The following SRPX variants were observed in gnomAD, a reference collection of about 807,000 sequenced individuals.
SRPX encodes the protein sushi repeat containing protein X-linked.
Under a neutral mutation model 38.1 loss-of-function variants are expected in SRPX, and 24 were observed. The ratio of observed to expected loss-of-function variants is 0.63; its 90% CI spans 0.46 to 0.89. The LOEUF (loss-of-function observed/expected upper bound fraction) is 0.89, where lower values mean the gene tolerates loss of function less well. Ranked by LOEUF, SRPX falls within the 40% of genes least tolerant of loss-of-function variation. SRPX has a pLI of 0.00. For missense variants in SRPX, 416 were observed against 377.8 expected (o/e 1.10, Z -0.84); for synonymous variants, 184 against 153.8 (o/e 1.20, Z -1.45).
chrX:38,219,891 G>T (rs1422142428), intron 1 of SRPX, among the ~76,000 whole-genome samples: 1 of 112,586 alleles, frequency 8.9e-6, no homozygotes, highest in Non-Finnish European at 1.9e-5. Context: ...GAAGCTCTTC[G>T]CTAACCTAAG....
chrX:38,220,782 G>A lies in SRPX; in HGVS notation c.11C>T (p.Pro4Leu). The change falls in exon 1 of 10, where the codon CCC becomes CTC. Residue 4 changes from proline to leucine, a missense_variant. Transcript: ENST00000378533. ...CAGCAGCAGCGCGGGCCGATGTGCG[G>A]GGCTCCCCATGGCGAGCGGGCGCTT... Reference protein sequence around the residue: MGSPAHRPALLLLL... With the variant: MGSLAHRPALLLLL... 5.4e-6 allele frequency: 6 copies of A among 1,115,351 alleles called. No homozygotes were observed. Among genetic ancestry groups the A allele is most frequent in the Non-Finnish European group, 7.0e-6 (6 of 855,717 alleles). 91.9% of individuals were successfully genotyped at this position (1,115,351 alleles called of 1,213,427 possible).
chrX:38,156,856 A>G, intron 8 of SRPX, 40 bp downstream of exon 8: 1 of 1,191,139 alleles, frequency 8.4e-7, no homozygotes, highest in Non-Finnish European at 1.1e-6. Context: ...CTTCCTGTTA[A>G]AGGTCTCCCT....
chrX:38,193,569 C>T (rs1178258800), intron 1 of SRPX, among the ~76,000 whole-genome samples: 1 of 112,104 alleles, frequency 8.9e-6, no homozygotes, highest in African/African-American at 3.2e-5. Flanking sequence ...TTTTTCTCTC[C>T]TCCCTTGATG....
At chrX:38,153,802 A>T (rs772771917) in intron 9 of SRPX, 3 of 111,823 alleles carry the variant, frequency 2.7e-5, no homozygotes, top group African/African-American at 9.8e-5. Flanking sequence ...GGACCCTGAA[A>T]ACAGAGATCT....
At chrX:38,176,282 A>C (rs1938565822) in intron 2 of SRPX, among the ~76,000 whole-genome samples, 1 of 111,368 alleles carries the variant, frequency 9.0e-6, no homozygotes, top group Admixed American at 9.5e-5. Flanking sequence ...TCACAAACTC[A>C]CTCAATTAAT....
At chrX:38,179,975 G>A (rs529522167) in intron 1 of SRPX, among the ~76,000 whole-genome samples, 11 of 110,921 alleles carry the variant, frequency 9.9e-5, no homozygotes, top group African/African-American at 3.6e-4. Flanking sequence ...TGAAAACCAG[G>A]AAACCTACCT....
intron 1 of SRPX, among the ~76,000 whole-genome samples, chrX:38,208,928 T>C (rs895587408): frequency 1.9e-4 from 20 of 103,004 alleles, no homozygotes; most frequent in Non-Finnish European, 3.0e-4. Flanking sequence ...CTCAAGAGAT[T>C]CTCTCGCCTA....
chrX:38,173,670 G>A (rs1242950568), intron 3 of SRPX, among the ~76,000 whole-genome samples: 1 of 111,246 alleles, frequency 9.0e-6, no homozygotes, highest in African/African-American at 3.3e-5. Context: ...GGCTGGTGTC[G>A]AACTCCTGAG....
rs757031504 is a variant in SRPX, at chrX:38,161,067, A to G, written c.654-13T>C. The G allele has an allele frequency of 3.6e-5, 44 of 1,205,872 alleles. No individual in the cohort carries two copies. Among genetic ancestry groups the G allele is most frequent in the Non-Finnish European group, 4.9e-5 (44 of 894,007 alleles). Reference sequence around the variant, plus strand: ...TTTTAGAATGACACTTAGAGAAAAAAAATCAGAAACAGGAAAGATGACATT... The same window carrying G: ...TTTTAGAATGACACTTAGAGAAAAAGAATCAGAAACAGGAAAGATGACATT... On this transcript the variant is annotated splice_polypyrimidine_tract_variant and intron_variant, in intron 5 of 9. Transcript: ENST00000378533.
At chrX:38,153,117 G>C (rs1938048253) in intron 9 of SRPX, among the ~76,000 whole-genome samples, 1 of 111,101 alleles carries the variant, frequency 9.0e-6, no homozygotes. Context: ...GCCAATATTT[G>C]AAAGCTCTGC....
At chrX:38,204,008 A>G (rs1014898659) in intron 1 of SRPX, among the ~76,000 whole-genome samples, 1 of 112,489 alleles carries the variant, frequency 8.9e-6, no homozygotes, top group Non-Finnish European at 1.9e-5. Flanking sequence ...AGCCCCATAA[A>G]ATGAAATACT....
intron 9 of SRPX, among the ~76,000 whole-genome samples, chrX:38,154,189 T>C (rs1229119905): frequency 9.8e-6 from 1 of 102,162 alleles, no homozygotes; most frequent in African/African-American, 4.0e-5. Context: ...CTAACCATCC[T>C]TCCTCCACCA....
intron 9 of SRPX, 90 bp from the exon 10 acceptor site, chrX:38,149,984 G>C: frequency 2.5e-6 from 2 of 809,152 alleles, no homozygotes; most frequent in Non-Finnish European, 1.7e-6. Flanking sequence ...GTGACAGTGT[G>C]CAGAGAAAGC....
rs58878251 is a variant in SRPX at position 38,178,946 on chromosome X, C to CT, written c.98-603dup. On this transcript the variant is annotated intron_variant, in intron 1 of 9. Transcript: ENST00000378533. ...TGAACGTATGGCTCAAGTAAAATTTCTTTTTTTTTTTTTTTTTTTGAGACG... is the reference window on the plus strand; with the variant it reads ...TGAACGTATGGCTCAAGTAAAATTTCTTTTTTTTTTTTTTTTTTTTGAGACG... Among the ~76,000 whole-genome samples the CT allele has an allele frequency of 6.6e-3, 537 of 80,955 alleles. 5 individuals are homozygous for CT. The highest frequency in any genetic ancestry group is 0.012 in the African/African-American group (297 of 23,789). The allele number at this position is 80,955 out of a possible 115,157, so 70.3% of individuals were successfully genotyped here.
intron 2 of SRPX, among the ~76,000 whole-genome samples, chrX:38,174,750 T>A (rs1938539595): frequency 8.9e-6 from 1 of 112,235 alleles, no homozygotes; most frequent in African/African-American, 3.2e-5. Context: ...TAAGATTTTT[T>A]ATTTTTATTT....
chrX:38,198,669 C>G (rs1187854724), intron 1 of SRPX, among the ~76,000 whole-genome samples: 1 of 111,212 alleles, frequency 9.0e-6, no homozygotes, highest in Non-Finnish European at 1.9e-5. Context: ...AAACATTAGG[C>G]AGGCGCTGGG....
At chrX:38,208,854 T>C (rs1003700746) in intron 1 of SRPX, among the ~76,000 whole-genome samples, 8 of 101,254 alleles carry the variant, frequency 7.9e-5, no homozygotes, top group African/African-American at 1.8e-4. Context: ...ATTTCTTTTT[T>C]TTTTTTTTTT....
At chrX:38,162,504 G>A (rs761281139) in intron 5 of SRPX, among the ~76,000 whole-genome samples, 27 of 112,535 alleles carry the variant, frequency 2.4e-4, no homozygotes, top group Non-Finnish European at 4.5e-4. Flanking sequence ...GGAGAATACT[G>A]AGATGCTGTT....
intron 2 of SRPX, 71 bp from the exon 3 acceptor site, chrX:38,174,422 T>C: frequency 1.1e-6 from 1 of 895,341 alleles, no homozygotes; most frequent in South Asian, 5.2e-5. Flanking sequence ...CCCCTTACTC[T>C]TACTGTCCCA....
Sources: gnomAD v4.1 joint callset for allele counts (sites outside exome capture counted in the v4.1 genomes callset) on GRCh38, gnomAD v4.1.1 for gene constraint, MANE v1.5 for transcripts, NCBI Gene and HGNC (gene_info 2026-07-23, HGNC 2026-07-21) for gene names.